Variants in VPS13B observed in about 807,000 individuals in gnomAD.
The protein encoded by VPS13B is intermembrane lipid transfer protein VPS13B.
In VPS13B, 285 loss-of-function variants were observed where a neutral mutation model predicts 426.4. The observed-to-expected ratio is 0.67, with a 90% CI of 0.61 to 0.74. The LOEUF (loss-of-function observed/expected upper bound fraction) is 0.74, where lower values mean the gene tolerates loss of function less well. Among genes scored for constraint, VPS13B ranks in the 30% least tolerant of loss-of-function variants. VPS13B has a pLI of 0.00. For synonymous variants in VPS13B, 1,676 were observed against 1,676.4 expected, an observed-to-expected ratio of 1.00 and a Z score of 0.01; for missense variants, 4,537 against 4,782.6, an observed-to-expected ratio of 0.95 and a Z score of 1.51.
At chr8:99,160,197 A>G (rs1811571352) in intron 15 of VPS13B, among the ~76,000 whole-genome samples, 1 of 152,126 alleles carries the variant, frequency 6.6e-6, no homozygotes, top group African/African-American at 2.4e-5. Flanking sequence ...TCAATTTTTA[A>G]AAAATAAGTA....
intron 25 of VPS13B, among the ~76,000 whole-genome samples, chr8:99,496,954 A>C (rs908154188): frequency 1.1e-4 from 16 of 151,206 alleles, no homozygotes; most frequent in African/African-American, 3.9e-4. Flanking sequence ...CTGTGTATAT[A>C]AAATGTTTTT....
intron 17 of VPS13B, among the ~76,000 whole-genome samples, chr8:99,243,552 T>G (rs573300695): frequency 6.6e-6 from 1 of 152,298 alleles, no homozygotes; most frequent in African/African-American, 2.4e-5. Context: ...TAAAGTTAAC[T>G]CAGAAAAGGA....
In VPS13B at chr8:99,384,275, C is replaced by T. The variant is rs764876131; in HGVS notation, c.2892C>T (p.Leu964=). ...VNIDPILYTW[L]IYQPQKRTSR... is the part of the protein sequence containing the mutation. ...TTGACCCAATCTTATATACGTGGCTCATCTATCAGCCTCAGAAACGAACAA... is the reference window on the plus strand; with the variant it reads ...TTGACCCAATCTTATATACGTGGCTTATCTATCAGCCTCAGAAACGAACAA... Residue 964 remains leucine (L), a synonymous_variant, in exon 20 of 62, where the codon CTC becomes CTT. Transcript: ENST00000357162. 2 of 1,613,960 alleles carry T rather than the reference C, an allele frequency of 1.2e-6. No individual in the cohort carries two copies. Among genetic ancestry groups the T allele is most frequent in the African/African-American group, 1.3e-5 (1 of 75,042 alleles).
intron 33 of VPS13B, among the ~76,000 whole-genome samples, chr8:99,593,934 A>T (rs1456951305): frequency 1.3e-5 from 2 of 151,664 alleles, no homozygotes; most frequent in Non-Finnish European, 3.0e-5. Context: ...GGGTGGAGAG[A>T]TGGAGAATAT....
At chr8:99,116,123 G>T (rs556919110) in intron 7 of VPS13B, among the ~76,000 whole-genome samples, 7 of 152,180 alleles carry the variant, frequency 4.6e-5, no homozygotes, top group African/African-American at 1.7e-4. Context: ...TGCCTCTCAG[G>T]TTCAGGCAGT....
chr8:99,673,272 A>G (rs1176248169), intron 35 of VPS13B, among the ~76,000 whole-genome samples: 1 of 151,864 alleles, frequency 6.6e-6, no homozygotes, highest in African/African-American at 2.4e-5. Context: ...CATTTTTTTG[A>G]TGGGAGATTT....
At chr8:99,338,079 C>T (rs1811030007) in intron 19 of VPS13B, among the ~76,000 whole-genome samples, 1 of 152,116 alleles carries the variant, frequency 6.6e-6, no homozygotes, top group South Asian at 2.1e-4. Context: ...ATGCCAGTTA[C>T]CATGGTCTTG....
intron 17 of VPS13B, among the ~76,000 whole-genome samples, chr8:99,259,331 T>C (rs1270762807): frequency 1.3e-5 from 2 of 152,054 alleles, no homozygotes; most frequent in African/African-American, 4.8e-5. Flanking sequence ...TAGCAAGACT[T>C]CTAAAAAAAT....
chr8:99,261,254 A>G (rs1011872993), intron 17 of VPS13B, among the ~76,000 whole-genome samples: 2 of 152,104 alleles, frequency 1.3e-5, no homozygotes, highest in Non-Finnish European at 2.9e-5. Context: ...TCACAGCCCT[A>G]AAATTTCTCT....
rs552997982 is a variant in VPS13B, at chr8:99,532,937, G to T, written c.4745+11927G>T. 2.0e-5 allele frequency among the ~76,000 whole-genome samples: 3 copies of T among 148,582 alleles called. No individual in the cohort carries two copies. In the East Asian group the frequency reaches 5.9e-4, roughly 29 times the overall value. On this transcript the variant is annotated intron_variant, in intron 30 of 61. Coordinates refer to ENST00000357162, the MANE Select transcript of VPS13B (RefSeq NM_152564.5). ...TAAATGCATAATCAATTCACTGAGG[G>T]GTGTTTTTTTTTTTTTTTTTGAGAT...
chr8:99,144,460 G>C (rs1810591683), intron 13 of VPS13B, among the ~76,000 whole-genome samples: 2 of 147,458 alleles, frequency 1.4e-5, no homozygotes, highest in Admixed American at 1.4e-4. Flanking sequence ...CTGTGCTCCA[G>C]CCTGGCCAAC....
chr8:99,788,519 G>C (rs1419672658), intron 43 of VPS13B, among the ~76,000 whole-genome samples: 1 of 151,910 alleles, frequency 6.6e-6, no homozygotes, highest in Non-Finnish European at 1.5e-5. Context: ...CTTTAAAGCA[G>C]AGGTGGCAAA....
chr8:99,541,102 T>C (rs565582294), intron 30 of VPS13B, among the ~76,000 whole-genome samples: 36 of 152,164 alleles, frequency 2.4e-4, no homozygotes, highest in Non-Finnish European at 3.2e-4. Flanking sequence ...AATATATTTA[T>C]ACCCTATATA....
intron 19 of VPS13B, among the ~76,000 whole-genome samples, chr8:99,353,368 G>C (rs1812001408): frequency 6.6e-6 from 1 of 152,168 alleles, no homozygotes; most frequent in East Asian, 1.9e-4. Flanking sequence ...TGTATTCTGA[G>C]GAAAATTGCA....
intron 36 of VPS13B, among the ~76,000 whole-genome samples, chr8:99,715,192 T>C (rs1012837628): frequency 6.6e-6 from 1 of 152,018 alleles, no homozygotes. Flanking sequence ...AAACCAAAGA[T>C]GTAAGCAGTT....
intron 39 of VPS13B, among the ~76,000 whole-genome samples, chr8:99,735,856 A>C (rs956243592): frequency 6.6e-6 from 1 of 152,096 alleles, no homozygotes; most frequent in Admixed American, 6.6e-5. Context: ...GGGGTGGAAA[A>C]CGCTGCGAAT....
chr8:99,730,345 G>T (rs1306704654), intron 39 of VPS13B, among the ~76,000 whole-genome samples: 1 of 152,208 alleles, frequency 6.6e-6, no homozygotes, highest in African/African-American at 2.4e-5. Context: ...AACAAGTCTT[G>T]TGTATCCAGT....
chr8:99,436,663 A>T (rs572281351), intron 22 of VPS13B, among the ~76,000 whole-genome samples: 1 of 152,350 alleles, frequency 6.6e-6, no homozygotes, highest in African/African-American at 2.4e-5. Context: ...TGTATCATCA[A>T]CACTTTAAAA....
At chr8:99,688,234 T>A (rs923844425) in intron 35 of VPS13B, among the ~76,000 whole-genome samples, 1 of 151,636 alleles carries the variant, frequency 6.6e-6, no homozygotes, top group Non-Finnish European at 1.5e-5. Context: ...CACTCAGAAT[T>A]GCATTTAAAA....
Sources: gnomAD v4.1 joint callset for allele counts (sites outside exome capture counted in the v4.1 genomes callset) on GRCh38, gnomAD v4.1.1 for gene constraint, MANE v1.5 for transcripts, NCBI Gene and HGNC (gene_info 2026-07-23, HGNC 2026-07-21) for gene names.